Variants in SPOCK1 observed in about 807,000 individuals in gnomAD.
The protein encoded by SPOCK1 is SPARC (osteonectin), cwcv and kazal like domains proteoglycan 1.
In SPOCK1, 23 loss-of-function variants were observed where a neutral mutation model predicts 55.3. The observed-to-expected ratio is 0.42, with a 90% CI of 0.30 to 0.59. The LOEUF (loss-of-function observed/expected upper bound fraction) is 0.59, where lower values mean the gene tolerates loss of function less well. Ranked by LOEUF, SPOCK1 falls within the 20% of genes least tolerant of loss-of-function variation. The pLI, the probability that SPOCK1 is intolerant of heterozygous loss-of-function variation, is 0.22. For synonymous variants in SPOCK1, 226 were observed against 221.0 expected, an observed-to-expected ratio of 1.02 and a Z score of -0.20; for missense variants, 499 against 552.5, an observed-to-expected ratio of 0.90 and a Z score of 0.97.
At chr5:137,350,911 CAT>C (rs1267157631) in intron 2 of SPOCK1, among the ~76,000 whole-genome samples, 2 of 152,104 alleles carry the variant, frequency 1.3e-5, no homozygotes, top group Admixed American at 1.3e-4. Flanking sequence ...TTTCAAGGGA[CAT>C]GAGTTTCTAT....
intron 3 of SPOCK1, among the ~76,000 whole-genome samples, chr5:137,169,695 GT>G (rs1391536309): frequency 4.6e-5 from 7 of 152,162 alleles, no homozygotes; most frequent in African/African-American, 1.7e-4. Context: ...AATACAGGTG[GT>G]TTCACATGGA....
chr5:137,307,656 C>G (rs1359912651), intron 2 of SPOCK1, among the ~76,000 whole-genome samples: 1 of 152,210 alleles, frequency 6.6e-6, no homozygotes, highest in Admixed American at 6.5e-5. Context: ...GGCCAGCAGG[C>G]TTTTAGTCAT....
chr5:137,415,192 G>C (rs1293620539), intron 2 of SPOCK1, among the ~76,000 whole-genome samples: 1 of 152,198 alleles, frequency 6.6e-6, no homozygotes, highest in Non-Finnish European at 1.5e-5. Flanking sequence ...TCCTCAATTA[G>C]GGAGGAAGGT....
chr5:137,350,898 A>G (rs1459160465), intron 2 of SPOCK1, among the ~76,000 whole-genome samples: 1 of 152,104 alleles, frequency 6.6e-6, no homozygotes, highest in Non-Finnish European at 1.5e-5. Context: ...AAGTCTGATC[A>G]GTTTTCAAGG....
At chr5:137,140,266 C>A (rs1039827619) in intron 4 of SPOCK1, among the ~76,000 whole-genome samples, 3 of 152,128 alleles carry the variant, frequency 2.0e-5, no homozygotes, top group Non-Finnish European at 4.4e-5. Context: ...TTTCCTGGGT[C>A]GTGGCATCAC....
intron 2 of SPOCK1, among the ~76,000 whole-genome samples, chr5:137,354,627 A>C (rs1454083249): frequency 6.6e-6 from 1 of 152,170 alleles, no homozygotes; most frequent in Non-Finnish European, 1.5e-5. Flanking sequence ...CAGACTGTCT[A>C]ATCAATCCAC....
intron 6 of SPOCK1, among the ~76,000 whole-genome samples, chr5:137,022,262 G>GT (rs1751592428): frequency 6.6e-6 from 1 of 152,128 alleles, no homozygotes; most frequent in African/African-American, 2.4e-5. Flanking sequence ...GAGACCACAA[G>GT]TGGGTGTTCC....
chr5:137,459,127 G>A (rs1356554858), intron 2 of SPOCK1, among the ~76,000 whole-genome samples: 1 of 152,170 alleles, frequency 6.6e-6, no homozygotes, highest in Non-Finnish European at 1.5e-5. Context: ...AACCAGACAG[G>A]GCCTGCTCTT....
intron 3 of SPOCK1, among the ~76,000 whole-genome samples, chr5:137,199,562 TCTCCTC>T (rs1358260650): frequency 6.6e-6 from 1 of 151,974 alleles, no homozygotes. Flanking sequence ...ACCCCAATGA[TCTCCTC>T]CTCCTCCTTG....
At chr5:137,061,703 T>A (rs73790679) in intron 6 of SPOCK1, among the ~76,000 whole-genome samples, 1,650 of 147,826 alleles carry the variant, frequency 0.011, 34 homozygotes, top group African/African-American at 0.039. Context: ...AAGAAGGAGC[T>A]GTCCTTGGAG....
At chr5:137,203,230 T>C (rs1175784019) in intron 3 of SPOCK1, among the ~76,000 whole-genome samples, 1 of 152,002 alleles carries the variant, frequency 6.6e-6, no homozygotes, top group Non-Finnish European at 1.5e-5. Flanking sequence ...TCAAATACTT[T>C]TCTGTGCTTG....
At chr5:137,205,111 A>G (rs2127078347) in intron 3 of SPOCK1, among the ~76,000 whole-genome samples, 1 of 152,236 alleles carries the variant, frequency 6.6e-6, no homozygotes, top group South Asian at 2.1e-4. Flanking sequence ...CTTGTTTACC[A>G]GTTGATCTCC....
intron 6 of SPOCK1, among the ~76,000 whole-genome samples, chr5:137,037,395 A>C (rs931292685): frequency 4.0e-5 from 6 of 150,920 alleles, no homozygotes; most frequent in Admixed American, 1.3e-4. Flanking sequence ...CTGCCCTGCA[A>C]TTCTAGCTCC....
chr5:137,013,381 A>G (rs1751389721), intron 6 of SPOCK1, among the ~76,000 whole-genome samples: 1 of 152,220 alleles, frequency 6.6e-6, no homozygotes, highest in Non-Finnish European at 1.5e-5. Context: ...TTTCATGATA[A>G]CATTCACTTG....
intron 3 of SPOCK1, among the ~76,000 whole-genome samples, chr5:137,253,951 G>A (rs908311926): frequency 2.6e-5 from 4 of 152,192 alleles, no homozygotes; most frequent in Non-Finnish European, 5.9e-5. Context: ...TATTCATAAA[G>A]CATTCGAAAC....
chr5:137,417,727 T>A (rs1380118893), intron 2 of SPOCK1, among the ~76,000 whole-genome samples: 1 of 152,224 alleles, frequency 6.6e-6, no homozygotes, highest in African/African-American at 2.4e-5. Context: ...ATTTATTCCT[T>A]TCTAATTGCT....
intron 2 of SPOCK1, among the ~76,000 whole-genome samples, chr5:137,316,349 G>GA (rs932304576): frequency 3.9e-5 from 6 of 152,332 alleles, no homozygotes; most frequent in East Asian, 3.9e-4. Context: ...CGGCTAGCTA[G>GA]AAAAAATCCT....
intron 2 of SPOCK1, among the ~76,000 whole-genome samples, chr5:137,321,262 GTATAT>G (rs1321866286): frequency 6.6e-6 from 1 of 150,628 alleles, no homozygotes; most frequent in Non-Finnish European, 1.5e-5. Flanking sequence ...AGACCAATAG[GTATAT>G]TATAGGTATT....
intron 2 of SPOCK1, among the ~76,000 whole-genome samples, chr5:137,484,502 A>C (rs1308081142): frequency 6.6e-6 from 1 of 152,192 alleles, no homozygotes; most frequent in Non-Finnish European, 1.5e-5. Flanking sequence ...CTTGCACATA[A>C]CCTGGCATGC....
Sources: gnomAD v4.1 joint callset for allele counts (sites outside exome capture counted in the v4.1 genomes callset) on GRCh38, gnomAD v4.1.1 for gene constraint, MANE v1.5 for transcripts, NCBI Gene and HGNC (gene_info 2026-07-23, HGNC 2026-07-21) for gene names.